Variants in SLAMF9 observed in about 807,000 individuals in gnomAD.
The protein encoded by SLAMF9 is SLAM family member 9.
Under a neutral mutation model 30.4 loss-of-function variants are expected in SLAMF9, and 25 were observed. The observed-to-expected ratio is 0.82, with a 90% CI of 0.60 to 1.15. The LOEUF is 1.15. SLAMF9 is among the 50% of genes most tolerant of loss of function. The pLI is 0.00. For synonymous variants in SLAMF9, 129 were observed against 127.2 expected, an observed-to-expected ratio of 1.01 and a Z score of -0.09; for missense variants, 344 against 346.1, an observed-to-expected ratio of 0.99 and a Z score of 0.05.
intron 2 of SLAMF9, among the ~76,000 whole-genome samples, chr1:159,952,923 A>T (rs1451373220): frequency 6.6e-6 from 1 of 152,220 alleles, no homozygotes; most frequent in African/African-American, 2.4e-5. Context: ...ACTAAGAAGA[A>T]ATTTGGGTTC....
the SLAMF9 span, among the ~76,000 whole-genome samples, chr1:159,970,808 G>A: frequency 1.3e-5 from 2 of 152,190 alleles, no homozygotes; most frequent in Non-Finnish European, 2.9e-5. Context: ...ACTACCCTCA[G>A]TTTTAATAAT....
chr1:159,976,919 A>AGAAG, the SLAMF9 span: 5 of 724 alleles, frequency 6.9e-3, no homozygotes, highest in East Asian at 0.25. Flanking sequence ...AAAAAAAGAA[A>AGAAG]GAAAGAAAGA....
chr1:159,961,706 G>A, the SLAMF9 span, among the ~76,000 whole-genome samples: 1 of 152,168 alleles, frequency 6.6e-6, no homozygotes, highest in Non-Finnish European at 1.5e-5. Flanking sequence ...TCCTTGGGGT[G>A]GGGGAGAGAG....
chr1:159,962,745 G>A, the SLAMF9 span, among the ~76,000 whole-genome samples: 1 of 152,288 alleles, frequency 6.6e-6, no homozygotes, highest in African/African-American at 2.4e-5. Context: ...AAAACTGAAG[G>A]TTTACGTGAA....
In SLAMF9 at chr1:159,951,780, C is replaced by T. The variant is rs1323204158; in HGVS notation, c.751G>A (p.Ala251Thr). ...LLIFLLLVIL[A>T]MGLWVIRVQK... ...ACTCGGATGACCCAGAGTCCCATGG[C>T]CAGAATTACCAAGAGCAAGAAGATG... The change falls in exon 4 of 4, where the codon GCC (alanine) becomes ACC (threonine). Residue 251 changes from alanine to threonine, a missense_variant. By Grantham distance (58) the Ala-to-Thr change is moderately conservative. Transcript: ENST00000368093. 1.9e-6 allele frequency: 3 copies of T among 1,614,098 alleles called. No homozygotes were observed. Among genetic ancestry groups the T allele is most frequent in the African/African-American group, 2.7e-5 (2 of 74,980 alleles).
chr1:159,961,628 C>A, the SLAMF9 span, among the ~76,000 whole-genome samples: 1 of 152,096 alleles, frequency 6.6e-6, no homozygotes, highest in African/African-American at 2.4e-5. Context: ...TTGAAGTGCA[C>A]CCAAAGGAGT....
the SLAMF9 span, chr1:159,977,031 G>A: frequency 2.0e-5 from 3 of 152,128 alleles, no homozygotes; most frequent in African/African-American, 4.8e-5. Context: ...GAAGATTGTA[G>A]CTAGGGGGAG....
the SLAMF9 span, chr1:159,982,949 A>G: frequency 6.6e-6 from 1 of 152,234 alleles, no homozygotes; most frequent in African/African-American, 2.4e-5. Flanking sequence ...GAATCGCTTG[A>G]ACCCGGGAGG....
At chr1:159,981,303 C>T in the SLAMF9 span, among the ~76,000 whole-genome samples, 1 of 152,096 alleles carries the variant, frequency 6.6e-6, no homozygotes, top group Non-Finnish European at 1.5e-5. Flanking sequence ...TCAGAAGAAA[C>T]CAACCCTGCT....
chr1:159,981,156 G>C, the SLAMF9 span, among the ~76,000 whole-genome samples: 1 of 152,056 alleles, frequency 6.6e-6, no homozygotes, highest in African/African-American at 2.4e-5. Flanking sequence ...TTAAAATAAG[G>C]CCATTAGGGT....
chr1:159,965,302 T>G, the SLAMF9 span, among the ~76,000 whole-genome samples: 11 of 152,262 alleles, frequency 7.2e-5, no homozygotes, highest in Non-Finnish European at 1.3e-4. Flanking sequence ...CACCAAGGGA[T>G]GGGGGCAAGA....
the SLAMF9 span, chr1:159,976,916 G>GAA: frequency 1.2e-3 from 1 of 802 alleles, no homozygotes; most frequent in Non-Finnish European, 0.014. Context: ...AAGAAAAAAA[G>GAA]AAAGAAAGAA....
the SLAMF9 span, among the ~76,000 whole-genome samples, chr1:159,980,930 C>T: frequency 5.3e-5 from 8 of 152,212 alleles, no homozygotes; most frequent in African/African-American, 1.7e-4. Flanking sequence ...ACTTTCTTTG[C>T]GTCACACGCA....
the SLAMF9 span, among the ~76,000 whole-genome samples, chr1:159,973,502 G>A: frequency 6.6e-6 from 1 of 152,138 alleles, no homozygotes; most frequent in Non-Finnish European, 1.5e-5. Flanking sequence ...AGGCAGAGGG[G>A]GCCTTCGAGG....
chr1:159,965,380 T>C, the SLAMF9 span: 1 of 152,228 alleles, frequency 6.6e-6, no homozygotes, highest in African/African-American at 2.4e-5. Flanking sequence ...ATTCCCTCCC[T>C]GTACACAGTC....
chr1:159,983,291 T>C, the SLAMF9 span: 1 of 152,226 alleles, frequency 6.6e-6, no homozygotes, highest in Admixed American at 6.5e-5. Flanking sequence ...CATCCATCTG[T>C]GCCTCTTCAT....
At chr1:159,968,491 A>G in the SLAMF9 span, among the ~76,000 whole-genome samples, 3 of 152,134 alleles carry the variant, frequency 2.0e-5, no homozygotes, top group African/African-American at 7.2e-5. Flanking sequence ...TCTCTTCCCT[A>G]TCAAGTTCCC....
At chr1:159,952,140 T>C in intron 3 of SLAMF9, 122 bp downstream of exon 3, 1 of 1,185,534 alleles carries the variant, frequency 8.4e-7, no homozygotes, top group Non-Finnish European at 1.2e-6. Flanking sequence ...GTGTCAAGCC[T>C]CCATGGGAGG....
At chr1:159,963,789 A>G in the SLAMF9 span, among the ~76,000 whole-genome samples, 2 of 152,136 alleles carry the variant, frequency 1.3e-5, no homozygotes, top group Non-Finnish European at 2.9e-5. Context: ...GGCCAGGCGC[A>G]GTGGCTCACA....
Sources: gnomAD v4.1 joint callset for allele counts (sites outside exome capture counted in the v4.1 genomes callset) on GRCh38, gnomAD v4.1.1 for gene constraint, MANE v1.5 for transcripts, NCBI Gene and HGNC (gene_info 2026-07-23, HGNC 2026-07-21) for gene names.